Variants in BMP5 observed in about 807,000 individuals in gnomAD.
The protein encoded by BMP5 is bone morphogenetic protein 5.
A neutral mutation model predicts 46.6 loss-of-function variants in BMP5; 23 were observed. The ratio of observed to expected loss-of-function variants is 0.49; its 90% confidence interval spans 0.35 to 0.70. The LOEUF is 0.70. BMP5 is among the 30% of genes least tolerant of loss of function. The pLI, the probability that BMP5 is intolerant of heterozygous loss-of-function variation, is 0.00. For missense variants in BMP5, 545 were observed against 565.6 expected (o/e 0.96, Z 0.37); for synonymous variants, 204 against 191.9 (o/e 1.06, Z -0.52).
chr6:55,813,584 C>T (rs1356943497), intron 2 of BMP5, among the ~76,000 whole-genome samples: 2 of 151,956 alleles, frequency 1.3e-5, no homozygotes, highest in South Asian at 2.1e-4. Context: ...GGTCAGGAGA[C>T]TGAAACCATC....
chr6:55,795,782 A>G (rs528078405), intron 2 of BMP5, among the ~76,000 whole-genome samples: 5 of 152,300 alleles, frequency 3.3e-5, no homozygotes, highest in African/African-American at 1.2e-4. Flanking sequence ...TCTTTTCACA[A>G]TTACAGTCAT....
At chr6:55,821,491 G>A (rs565866397) in intron 1 of BMP5, among the ~76,000 whole-genome samples, 1 of 152,214 alleles carries the variant, frequency 6.6e-6, no homozygotes, top group South Asian at 2.1e-4. Flanking sequence ...CCAGTTGGAA[G>A]CATTTTTGTC....
intron 1 of BMP5, among the ~76,000 whole-genome samples, chr6:55,826,959 G>T (rs1023323243): frequency 2.0e-5 from 3 of 151,698 alleles, no homozygotes; most frequent in Non-Finnish European, 3.0e-5. Flanking sequence ...CTGTCTCAGG[G>T]CAAAGTTTTC....
At chr6:55,863,535 G>A (rs1405769501) in intron 1 of BMP5, among the ~76,000 whole-genome samples, 1 of 152,118 alleles carries the variant, frequency 6.6e-6, no homozygotes, top group African/African-American at 2.4e-5. Context: ...AAATCACAGA[G>A]TCCAGTCTCT....
At chr6:55,811,265 A>G (rs539266969) in intron 2 of BMP5, among the ~76,000 whole-genome samples, 13 of 152,316 alleles carry the variant, frequency 8.5e-5, no homozygotes, top group African/African-American at 3.1e-4. Flanking sequence ...CAGCTTAACT[A>G]TATATATCCA....
chr6:55,856,902 G>C (rs752407552), intron 1 of BMP5, among the ~76,000 whole-genome samples: 13 of 151,892 alleles, frequency 8.6e-5, no homozygotes, highest in Non-Finnish European at 1.6e-4. Context: ...TAATTTTATG[G>C]AAAGATTTCA....
At chr6:55,784,284 T>A (rs1041129713) in intron 3 of BMP5, among the ~76,000 whole-genome samples, 2 of 152,020 alleles carry the variant, frequency 1.3e-5, no homozygotes, top group African/African-American at 4.8e-5. Flanking sequence ...AAATGTTTAC[T>A]GCTATGTAAT....
chr6:55,797,131 T>C (rs542965867), intron 2 of BMP5, among the ~76,000 whole-genome samples: 1 of 152,342 alleles, frequency 6.6e-6, no homozygotes, highest in Non-Finnish European at 1.5e-5. Context: ...GTAATAATTC[T>C]GTAATTTTTA....
intron 1 of BMP5, among the ~76,000 whole-genome samples, chr6:55,866,678 C>T (rs1358019085): frequency 3.9e-5 from 6 of 152,124 alleles, no homozygotes; most frequent in Non-Finnish European, 8.8e-5. Context: ...ATATTGTGAT[C>T]TGAAAGTGCT....
intron 1 of BMP5, among the ~76,000 whole-genome samples, chr6:55,834,844 G>A (rs1033208130): frequency 2.0e-5 from 3 of 152,216 alleles, no homozygotes; most frequent in Non-Finnish European, 4.4e-5. Flanking sequence ...ACTTTGGGAA[G>A]TTGAGGCAGG....
At chr6:55,857,387 T>C (rs1777425982) in intron 1 of BMP5, among the ~76,000 whole-genome samples, 1 of 152,160 alleles carries the variant, frequency 6.6e-6, no homozygotes, top group Admixed American at 6.5e-5. Flanking sequence ...AACCTTACAT[T>C]TAGAGACCAG....
chr6:55,754,711 T>G lies in BMP5; in HGVS notation c.*822A>C, dbSNP rs959334809. 1.3e-5 allele frequency: 2 copies of G among 151,984 alleles called. No individual in the cohort carries two copies. The highest frequency in any genetic ancestry group is 4.8e-5 in the African/African-American group (2 of 41,426). The allele number at this position is 151,984 out of a possible 1,614,324, so 9.4% of individuals were successfully genotyped here. On this transcript the variant is annotated 3_prime_UTR_variant, in exon 7 of 7. Transcript: ENST00000370830. ...ATGTAAATGTTTCTTTATTTTGGACTAGGTTTTTAAATCTGAAAAAAAAAT... is the reference window on the plus strand; with the variant it reads ...ATGTAAATGTTTCTTTATTTTGGACGAGGTTTTTAAATCTGAAAAAAAAAT...
chr6:55,868,321 C>T (rs1321472557), intron 1 of BMP5, among the ~76,000 whole-genome samples: 1 of 152,024 alleles, frequency 6.6e-6, no homozygotes, highest in African/African-American at 2.4e-5. Context: ...TGAACAAACA[C>T]AATATTGAAG....
At chr6:55,759,170 A>AAAAAAAAAAAAAAAG (rs1774696889) in intron 5 of BMP5, 55 bp from the exon 6 acceptor site, 1 of 863,228 alleles carries the variant, frequency 1.2e-6, no homozygotes, top group Non-Finnish European at 1.7e-6. Flanking sequence ...AAAAAAAAAA[A>AAAAAAAAAAAAAAAG]AAAAAAAAAA....
At chr6:55,858,531 A>G (rs1777453622) in intron 1 of BMP5, among the ~76,000 whole-genome samples, 1 of 152,216 alleles carries the variant, frequency 6.6e-6, no homozygotes, top group African/African-American at 2.4e-5. Flanking sequence ...AACACAAATA[A>G]AAGAGTATGT....
At chr6:55,813,786 C>CA (rs148453962) in intron 2 of BMP5, among the ~76,000 whole-genome samples, 36,647 of 123,488 alleles carry the variant, frequency 0.3, 6,583 homozygotes, top group African/African-American at 0.53. Flanking sequence ...GACACCGTCT[C>CA]AAAAAAAAAA....
chr6:55,773,912 A>G, intron 4 of BMP5, 137 bp downstream of exon 4: 1 of 948,412 alleles, frequency 1.1e-6, no homozygotes, highest in Non-Finnish European at 1.7e-6. Context: ...ACATTCTGGG[A>G]TGCTAGAAAC....
chr6:55,847,852 A>T (rs1326015479), intron 1 of BMP5, among the ~76,000 whole-genome samples: 1 of 151,942 alleles, frequency 6.6e-6, no homozygotes. Context: ...TAAAATTTTT[A>T]AAAGGACTAC....
In BMP5 at chr6:55,875,010, C is replaced by G; in HGVS notation, c.-145G>C. Reference sequence around the variant, plus strand: ...TTCATGACAGTGACATTTCTGAGCACAACATCCTCACCGATTTTCCTGTCC... The same window carrying G: ...TTCATGACAGTGACATTTCTGAGCAGAACATCCTCACCGATTTTCCTGTCC... On this transcript the variant is annotated 5_prime_UTR_variant, in exon 1 of 7. Transcript: ENST00000370830. The G allele has an allele frequency of 1.2e-6, 1 of 863,200 alleles. No homozygotes were observed. The highest frequency in any genetic ancestry group is 2.7e-5 in the Admixed American group (1 of 37,438). 53.5% of individuals were successfully genotyped at this position (863,200 alleles called of 1,614,324 possible).
Sources: allele counts gnomAD v4.1 joint callset (sites outside exome capture counted in the v4.1 genomes callset), GRCh38; gene constraint gnomAD v4.1.1; transcripts MANE v1.5; gene names NCBI Gene and HGNC (gene_info 2026-07-23, HGNC 2026-07-21).